RBMS1: variants seen among roughly 807,000 people sequenced by gnomAD.
The protein encoded by RBMS1 is RNA-binding motif, single-stranded-interacting protein 1.
Under a neutral mutation model 62.3 loss-of-function variants are expected in RBMS1, and 17 were observed. The ratio of observed to expected loss-of-function variants is 0.27; its 90% CI spans 0.19 to 0.41. The LOEUF (loss-of-function observed/expected upper bound fraction) is 0.41, where lower values mean the gene tolerates loss of function less well. Among genes scored for constraint, RBMS1 ranks in the 10% least tolerant of loss-of-function variants. RBMS1 has a pLI of 1.00. For missense variants in RBMS1, 334 were observed against 504.5 expected (o/e 0.66, Z 3.24); for synonymous variants, 172 against 170.0 (o/e 1.01, Z -0.09).
At chr2:160,434,128 C>G (rs1291109573) in intron 1 of RBMS1, among the ~76,000 whole-genome samples, 2 of 152,058 alleles carry the variant, frequency 1.3e-5, no homozygotes, top group African/African-American at 4.8e-5. Flanking sequence ...AGCACAGGAG[C>G]TGAATTTTCA....
chr2:160,317,708 G>T (rs975503949), intron 3 of RBMS1, among the ~76,000 whole-genome samples: 1 of 152,076 alleles, frequency 6.6e-6, no homozygotes, highest in Non-Finnish European at 1.5e-5. Context: ...AGAACAATTG[G>T]GAGTACTGAA....
chr2:160,348,122 A>C (rs1008678849), intron 2 of RBMS1, among the ~76,000 whole-genome samples: 2 of 152,120 alleles, frequency 1.3e-5, no homozygotes, highest in Non-Finnish European at 2.9e-5. Context: ...ATTGCACCTA[A>C]AACATAGTGA....
At chr2:160,454,617 C>T (rs970080687) in intron 1 of RBMS1, among the ~76,000 whole-genome samples, 4 of 151,984 alleles carry the variant, frequency 2.6e-5, no homozygotes, top group East Asian at 1.9e-4. Context: ...AGGATCTGGG[C>T]GTGTGTAAGG....
At chr2:160,350,419 A>G (rs1046571333) in intron 2 of RBMS1, among the ~76,000 whole-genome samples, 2 of 152,216 alleles carry the variant, frequency 1.3e-5, no homozygotes, top group African/African-American at 4.8e-5. Flanking sequence ...AAACCATTAC[A>G]TCTGTGTAAT....
intron 4 of RBMS1, among the ~76,000 whole-genome samples, chr2:160,312,323 G>A (rs976790418): frequency 1.3e-5 from 2 of 152,048 alleles, no homozygotes; most frequent in Non-Finnish European, 2.9e-5. Flanking sequence ...TCCAGAAACT[G>A]TGATATTCTA....
chr2:160,313,520 T>TG (rs926688334), intron 3 of RBMS1, among the ~76,000 whole-genome samples: 30 of 150,520 alleles, frequency 2.0e-4, no homozygotes, highest in African/African-American at 6.4e-4. Flanking sequence ...TATTTACTGG[T>TG]GGGGGGGAGA....
intron 1 of RBMS1, among the ~76,000 whole-genome samples, chr2:160,463,266 G>A (rs1440760612): frequency 6.6e-6 from 1 of 152,204 alleles, no homozygotes; most frequent in Non-Finnish European, 1.5e-5. Context: ...TCCAATAACT[G>A]TGAAAGCTGA....
chr2:160,424,219 A>G (rs939121785), intron 1 of RBMS1, among the ~76,000 whole-genome samples: 1 of 151,958 alleles, frequency 6.6e-6, no homozygotes, highest in Admixed American at 6.6e-5. Context: ...AGGTTTCACC[A>G]TGTTGGCCAG....
chr2:160,443,711 A>C (rs891896905), intron 1 of RBMS1, among the ~76,000 whole-genome samples: 3 of 152,210 alleles, frequency 2.0e-5, no homozygotes, highest in Non-Finnish European at 2.9e-5. Context: ...AGAACTGTGA[A>C]CCAATCAAAC....
At chr2:160,384,134 T>A (rs528426052) in intron 1 of RBMS1, among the ~76,000 whole-genome samples, 5 of 152,296 alleles carry the variant, frequency 3.3e-5, no homozygotes, top group African/African-American at 1.2e-4. Flanking sequence ...GAGGCGGAGC[T>A]TGCAGTGAGC....
intron 1 of RBMS1, among the ~76,000 whole-genome samples, chr2:160,484,513 C>A (rs567045461): frequency 6.6e-4 from 99 of 150,206 alleles, no homozygotes; most frequent in African/African-American, 1.6e-3. Flanking sequence ...ACAACAACAA[C>A]AAAAAAATGT....
intron 1 of RBMS1, among the ~76,000 whole-genome samples, chr2:160,413,730 T>C (rs1222282610): frequency 3.3e-5 from 5 of 152,200 alleles, no homozygotes; most frequent in Non-Finnish European, 7.3e-5. Flanking sequence ...TAAATAATAA[T>C]AGCTGTCATT....
chr2:160,311,224 C>CCA (rs71297446), intron 4 of RBMS1, among the ~76,000 whole-genome samples: 847 of 56,514 alleles, frequency 0.015, 38 homozygotes, highest in African/African-American at 0.037. Flanking sequence ...ATCTATCTAT[C>CCA]TATCTATCTA....
At chr2:160,457,591 A>G (rs185671937) in intron 1 of RBMS1, among the ~76,000 whole-genome samples, 3 of 152,226 alleles carry the variant, frequency 2.0e-5, no homozygotes, top group African/African-American at 7.2e-5. Context: ...AAATAGCTAC[A>G]ATTTGCTTTA....
At chr2:160,274,979 G>C (rs1687754597) in intron 13 of RBMS1, among the ~76,000 whole-genome samples, 3 of 152,088 alleles carry the variant, frequency 2.0e-5, no homozygotes, top group Admixed American at 2.0e-4. Context: ...TTCTAATTTA[G>C]AGCCAAATTC....
intron 1 of RBMS1, among the ~76,000 whole-genome samples, chr2:160,374,803 G>A (rs1347064299): frequency 5.9e-5 from 9 of 151,930 alleles, no homozygotes; most frequent in East Asian, 3.9e-4. Flanking sequence ...GGTGGTGGGC[G>A]CCTGTCATCC....
At chr2:160,294,957 A>T (rs1688858643) in intron 6 of RBMS1, among the ~76,000 whole-genome samples, 1 of 152,134 alleles carries the variant, frequency 6.6e-6, no homozygotes, top group Non-Finnish European at 1.5e-5. Context: ...GGATATAAAG[A>T]AAGAACAGTA....
At position 160,351,361 on chromosome 2, in the gene RBMS1, G is replaced by A. The variant is rs60965707; in HGVS notation, c.251+15855C>T. Among the ~76,000 whole-genome samples the A allele has an allele frequency of 5.5e-3, 835 of 151,986 alleles. 12 individuals carry two copies. The highest frequency in any genetic ancestry group is 0.019 in the African/African-American group (798 of 41,472). On this transcript the variant is annotated intron_variant, in intron 2 of 13. Coordinates refer to ENST00000348849, the MANE Select transcript of RBMS1 (RefSeq NM_016836.4). ...AAAAAAAAGAGAGAATGAAGCAGAT[G>A]CATACCTCACAGGAGGTTTAAAAGT... is the stretch of plus-strand genomic sequence containing the variant.
intron 1 of RBMS1, among the ~76,000 whole-genome samples, chr2:160,410,656 T>C (rs568075692): frequency 6.6e-6 from 1 of 152,346 alleles, no homozygotes; most frequent in Admixed American, 6.5e-5. Context: ...AAATATGTTC[T>C]AACACATAGA....
Sources: gnomAD v4.1 joint callset for allele counts (sites outside exome capture counted in the v4.1 genomes callset) on GRCh38, gnomAD v4.1.1 for gene constraint, MANE v1.5 for transcripts, NCBI Gene and HGNC (gene_info 2026-07-23, HGNC 2026-07-21) for gene names.